INF2: variants seen among roughly 807,000 people sequenced by gnomAD.
INF2 encodes the protein inverted formin-2.
A neutral mutation model predicts 123.5 loss-of-function variants in INF2; 43 were observed. The observed-to-expected ratio is 0.35, with a 90% CI of 0.27 to 0.45. INF2 has a LOEUF of 0.45. Ranked by LOEUF, INF2 falls within the 20% of genes least tolerant of loss-of-function variation. The pLI is 1.00. For missense variants in INF2, 1,453 were observed against 1,682.7 expected (o/e 0.86, Z 2.39); for synonymous variants, 851 against 745.0 (o/e 1.14, Z -2.32).
At chr14:104,687,886 G>C (rs1888710730), upstream of INF2, among the ~76,000 whole-genome samples, 1 of 152,196 alleles carries the variant, frequency 6.6e-6, no homozygotes, top group Non-Finnish European at 1.5e-5. The surrounding 1 kb of genome is among the most constrained non-coding windows in gnomAD (Gnocchi z 5.6). Context: ...CCATTCACTG[G>C]ATCAACAAAC....
At chr14:104,687,201 C>T (rs1595147373), upstream of INF2, among the ~76,000 whole-genome samples, 1 of 152,086 alleles carries the variant, frequency 6.6e-6, no homozygotes, top group African/African-American at 2.4e-5. The surrounding 1 kb of genome is among the most constrained non-coding windows in gnomAD (Gnocchi z 5.6). Context: ...GAGGCCAAAT[C>T]GGTCCTCTCT....
At chr14:104,687,614 G>A (rs527471096), upstream of INF2, among the ~76,000 whole-genome samples, 41 of 152,188 alleles carry the variant, frequency 2.7e-4, 1 homozygote, top group South Asian at 5.6e-3. The surrounding 1 kb of genome is among the most constrained non-coding windows in gnomAD (Gnocchi z 5.6). Context: ...ACCCTGCTCC[G>A]GCCTGTGCTG....
At chr14:104,716,390 G>T (rs1890300479) in intron 22 of INF2, among the ~76,000 whole-genome samples, 1 of 152,258 alleles carries the variant, frequency 6.6e-6, no homozygotes. Context: ...TCTTCCGAGT[G>T]TGGCTCTCTG....
intron 11 of INF2, 116 bp from the exon 12 acceptor site, chr14:104,709,504 G>A (rs1889942725): frequency 1.5e-6 from 2 of 1,295,124 alleles, no homozygotes; most frequent in Non-Finnish European, 2.2e-6. Context: ...CCTCTGCCCT[G>A]AACCGTGAGC....
In INF2 at chr14:104,699,504, C is replaced by T; in HGVS notation, c.-9-1853C>T. ...CGGCTGTCTCTGGCAGCTCAGCGGT[C>T]AGCAGCGATGAGAAGCCAGGGGAGC... On this transcript the variant is annotated intron_variant, in intron 1 of 22. Coordinates refer to ENST00000392634, the MANE Select transcript of INF2 (RefSeq NM_022489.4). The surrounding 1 kb of genome is among the most constrained non-coding windows in gnomAD (Gnocchi z 4.7). 1 of 985,304 alleles carries T rather than the reference C, an allele frequency of 1.0e-6. No homozygotes were observed. Among genetic ancestry groups the T allele is most frequent in the South Asian group, 4.7e-5 (1 of 21,282 alleles). The allele number at this position is 985,304 out of a possible 1,614,324, so 61.0% of individuals were successfully genotyped here. A position where few individuals can be genotyped will look rare whatever the true frequency, so the allele number is the denominator to read the frequency against.
At position 104,705,977 on chromosome 14, in the gene INF2, C is replaced by T. The variant is rs987082446; in HGVS notation, c.702-58C>T. On this transcript the variant is annotated intron_variant, in intron 5 of 22. Transcript: ENST00000392634. ...ACACTGGCGCTGACCCAGGCTGCCCCGCCTGCGTGTTGGTGGTGGCAGCAG... is the reference window on the plus strand; with the variant it reads ...ACACTGGCGCTGACCCAGGCTGCCCTGCCTGCGTGTTGGTGGTGGCAGCAG... The T allele has an allele frequency of 6.6e-5, 104 of 1,582,658 alleles. No homozygotes were observed. The East Asian group carries it at 1.3e-3, about 20-fold the overall frequency.
In INF2 at chr14:104,722,422, G is replaced by A. The variant is rs1293223256; in HGVS notation, c.*3629G>A. On this transcript the variant is annotated 3_prime_UTR_variant, in exon 23 of 23. Transcript: ENST00000392634. Reference sequence around the variant, plus strand: ...GGTCCCCAGGAAGGGCTCAGAGCTGGTGGCCCCCCCCAGGCCTTGGCAGCA... The same window carrying A: ...GGTCCCCAGGAAGGGCTCAGAGCTGATGGCCCCCCCCAGGCCTTGGCAGCA... The A allele has an allele frequency of 2.6e-5, 4 of 152,270 alleles. No individual in the cohort carries two copies. The highest frequency in any genetic ancestry group is 4.4e-5 in the Non-Finnish European group (3 of 68,104). 9.4% of individuals were successfully genotyped at this position (152,270 alleles called of 1,614,324 possible).
At chr14:104,711,349 C>G (rs1299287867) in intron 15 of INF2, among the ~76,000 whole-genome samples, 163 bp downstream of exon 15, 1 of 152,136 alleles carries the variant, frequency 6.6e-6, no homozygotes, top group Non-Finnish European at 1.5e-5. Flanking sequence ...GCCACGCCCC[C>G]ACCCCTCCCA....
Position 104,712,492 on chromosome 14 carries a change from C to G in INF2, c.2549C>G (p.Thr850Ser). Reference sequence around the variant, plus strand: ...TCCAACCTGAAGAAGCTTCTGGAGACCGAGCGGAAGGTGTCTGCCTCCGTG... The same window carrying G: ...TCCAACCTGAAGAAGCTTCTGGAGAGCGAGCGGAAGGTGTCTGCCTCCGTG... ...ASSNLKKLLE[T>S]ERKVSASVAE... Residue 850 changes from threonine to serine, a missense_variant, in exon 17 of 23, where the codon ACC becomes AGC. Coordinates refer to ENST00000392634, the MANE Select transcript of INF2 (RefSeq NM_022489.4). 1 of 1,612,714 alleles carries G rather than the reference C, an allele frequency of 6.2e-7. No homozygotes were observed. The highest frequency in any genetic ancestry group is 1.1e-5 in the South Asian group (1 of 91,078).
At chr14:104,695,071 G>T (rs1889123144) in intron 1 of INF2, among the ~76,000 whole-genome samples, 1 of 152,146 alleles carries the variant, frequency 6.6e-6, no homozygotes, top group Admixed American at 6.5e-5. Context: ...AGGAAACCCA[G>T]GTGGGAGGAT....
At chr14:104,691,524 G>A (rs1413179065) in intron 1 of INF2, among the ~76,000 whole-genome samples, 1 of 152,192 alleles carries the variant, frequency 6.6e-6, no homozygotes, top group African/African-American at 2.4e-5. Context: ...ATAGGTGTGT[G>A]GTTCATGGCC....
chr14:104,686,934 C>A (rs1339601424), upstream of INF2, among the ~76,000 whole-genome samples: 2 of 152,238 alleles, frequency 1.3e-5, no homozygotes, highest in African/African-American at 2.4e-5. Context: ...TCTCCACAGG[C>A]CTACAGTGGC....
chr14:104,700,655 T>C (rs1368699939), intron 1 of INF2, among the ~76,000 whole-genome samples: 1 of 152,104 alleles, frequency 6.6e-6, no homozygotes, highest in African/African-American at 2.4e-5. Context: ...GCTGGGCCTG[T>C]TACCTACCCG....
chr14:104,714,291 G>A lies in INF2; in HGVS notation c.3129G>A (p.Glu1043=), dbSNP rs1350880300. 2 of 1,592,926 alleles carry A rather than the reference G, an allele frequency of 1.3e-6. No individual in the cohort carries two copies. ...EPGLDATTAS[E]SRGWDLVDAV... Reference sequence around the variant, plus strand: ...GCCTTGATGCTACAACAGCCAGCGAGTCCCGGGGCTGGGACCTTGTAGACG... The same window carrying A: ...GCCTTGATGCTACAACAGCCAGCGAATCCCGGGGCTGGGACCTTGTAGACG... The change falls in exon 21 of 23, where the codon GAG becomes GAA. Residue 1043 remains glutamate (E), a synonymous_variant. Transcript: ENST00000392634.
intron 22 of INF2, among the ~76,000 whole-genome samples, chr14:104,718,438 G>C (rs1209844979): frequency 6.6e-6 from 1 of 152,156 alleles, no homozygotes; most frequent in East Asian, 1.9e-4. Flanking sequence ...AAGCAATGGA[G>C]GGCTGCAGGG....
Position 104,703,838 on chromosome 14 carries a change from T to G in INF2, c.668-78T>G, listed in dbSNP as rs7146817. On this transcript the variant is annotated intron_variant, in intron 4 of 22. Transcript: ENST00000392634. ...ATGAGTGCAGCAGGGCAGGGTCAGG[T>G]GCTCTGGGTGGCAGAAGTGAAATGG... 0.22 allele frequency: 347,076 copies of G among 1,603,536 alleles called. 39,770 individuals carry two copies. The highest frequency in any genetic ancestry group is 0.23 in the Non-Finnish European group (273,511 of 1,177,558).
At chr14:104,686,199 A>G (rs943577221), upstream of INF2, among the ~76,000 whole-genome samples, 6 of 140,784 alleles carry the variant, frequency 4.3e-5, no homozygotes, top group African/African-American at 1.6e-4. Flanking sequence ...GGGTAGGTGG[A>G]TGGGTGGATG....
upstream of INF2, among the ~76,000 whole-genome samples, chr14:104,687,802 T>G (rs1888707812): frequency 6.6e-6 from 1 of 152,092 alleles, no homozygotes; most frequent in South Asian, 2.1e-4. This position sits in a 1 kb window ranked among gnomAD's most constrained non-coding sequence, Gnocchi z 5.6. Context: ...GGACTCTGAC[T>G]TTCCCCCAGG....
chr14:104,687,268 G>A (rs998293405), upstream of INF2, among the ~76,000 whole-genome samples: 8 of 152,080 alleles, frequency 5.3e-5, no homozygotes, highest in African/African-American at 1.7e-4. The surrounding 1 kb of genome is among the most constrained non-coding windows in gnomAD (Gnocchi z 5.6). Flanking sequence ...GTCTGGGAGC[G>A]CTGGAGGTAC....
Sources: gnomAD v4.1 joint callset for allele counts (sites outside exome capture counted in the v4.1 genomes callset) on GRCh38, gnomAD v4.1.1 for gene constraint, Gnocchi (gnomAD v3.1) non-coding constraint, MANE v1.5 for transcripts, NCBI Gene and HGNC (gene_info 2026-07-23, HGNC 2026-07-21) for gene names.